Variants in CFAP61 observed in about 807,000 individuals in gnomAD.
The protein encoded by CFAP61 is cilia and flagella associated protein 61.
In CFAP61, 107 loss-of-function variants were observed where a neutral mutation model predicts 135.6. That is an observed-to-expected ratio of 0.79 (90% confidence interval 0.67 to 0.93). CFAP61 has a LOEUF of 0.93. Ranked by LOEUF, CFAP61 falls within the 40% of genes least tolerant of loss-of-function variation. CFAP61 has a pLI of 0.00. For synonymous variants in CFAP61, 575 were observed against 578.5 expected, an observed-to-expected ratio of 0.99 and a Z score of 0.09; for missense variants, 1,507 against 1,556.2, an observed-to-expected ratio of 0.97 and a Z score of 0.53.
chr20:20,199,672 G>C, intron 16 of CFAP61, 96 bp from the exon 17 acceptor site: 3 of 1,371,378 alleles, frequency 2.2e-6, no homozygotes, highest in Non-Finnish European at 3.0e-6. Context: ...TGACTTGGCC[G>C]AGTTAAGAGT....
chr20:20,289,849 A>G (rs1161350196), intron 23 of CFAP61, among the ~76,000 whole-genome samples: 2 of 152,252 alleles, frequency 1.3e-5, no homozygotes, highest in East Asian at 1.9e-4. Flanking sequence ...GAATTCGATA[A>G]TGACAGTTTC....
intron 17 of CFAP61, among the ~76,000 whole-genome samples, chr20:20,220,483 A>G (rs1177537275): frequency 6.6e-6 from 1 of 152,176 alleles, no homozygotes; most frequent in Non-Finnish European, 1.5e-5. Flanking sequence ...GCCGGTCAGA[A>G]GTACAGGTGG....
intron 13 of CFAP61, among the ~76,000 whole-genome samples, chr20:20,181,774 C>T (rs898644469): frequency 6.6e-6 from 1 of 152,238 alleles, no homozygotes; most frequent in East Asian, 1.9e-4. Context: ...ATGCTTGCAC[C>T]CTTGGGAAAA....
chr20:20,325,385 C>G (rs531529700), intron 25 of CFAP61, among the ~76,000 whole-genome samples: 1 of 152,178 alleles, frequency 6.6e-6, no homozygotes. Flanking sequence ...TGTGCCTACT[C>G]GTGCCTTCCT....
chr20:20,075,591 C>G lies in CFAP61; in HGVS notation c.542C>G (p.Pro181Arg), dbSNP rs781715170. The G allele has an allele frequency of 1.2e-6, 2 of 1,614,162 alleles. No homozygotes were observed. Among genetic ancestry groups the G allele is most frequent in the Non-Finnish European group, 8.5e-7 (1 of 1,179,994 alleles). Residue 181 changes from proline (P) to arginine (R), a missense_variant, in exon 6 of 27, where the codon CCT (proline) becomes CGT (arginine). Physicochemically the swap from Pro to Arg is moderately radical, Grantham distance 103. Coordinates refer to ENST00000245957, the MANE Select transcript of CFAP61 (RefSeq NM_015585.4). Reference protein sequence around the residue: ...VHICHRHSHYPQLHVRKARVE... With the variant: ...VHICHRHSHYRQLHVRKARVE... ...ATATGTCACAGGCACAGCCACTATC[C>G]TCAGCTGCACGTTCGCAAAGCCAGG... is the stretch of plus-strand genomic sequence containing the variant.
At chr20:20,117,462 C>T (rs1171626145) in intron 8 of CFAP61, among the ~76,000 whole-genome samples, 1 of 152,164 alleles carries the variant, frequency 6.6e-6, no homozygotes, top group African/African-American at 2.4e-5. Flanking sequence ...GCTTTTTACA[C>T]CAGTACCATG....
chr20:20,252,581 A>G (rs916233553), intron 20 of CFAP61, among the ~76,000 whole-genome samples: 3 of 151,762 alleles, frequency 2.0e-5, no homozygotes, highest in East Asian at 1.9e-4. Flanking sequence ...CTTATCAGCT[A>G]TCTTTAGTGT....
intron 19 of CFAP61, among the ~76,000 whole-genome samples, chr20:20,249,243 T>C (rs1296724476): frequency 6.6e-6 from 1 of 152,154 alleles, no homozygotes; most frequent in Non-Finnish European, 1.5e-5. Context: ...TAGCAATCAC[T>C]TATACAATGA....
rs115715891 is a variant in CFAP61 at position 20,204,384 on chromosome 20, G to C, written c.1932+4482G>C. On this transcript the variant is annotated intron_variant, in intron 17 of 26. Transcript: ENST00000245957. ...CGGCTTATGGAGCCCCTCCCCCTCAGAGCTAAGTGATGGCCCTGCTTTTTC... is the reference window on the plus strand; with the variant it reads ...CGGCTTATGGAGCCCCTCCCCCTCACAGCTAAGTGATGGCCCTGCTTTTTC... Among the ~76,000 whole-genome samples the C allele has an allele frequency of 5.4e-3, 827 of 152,190 alleles. 10 individuals are homozygous for C. Among genetic ancestry groups the C allele is most frequent in the African/African-American group, 0.018 (739 of 41,510 alleles).
chr20:20,094,562 T>G (rs2047431092), intron 7 of CFAP61: 1 of 152,320 alleles, frequency 6.6e-6, no homozygotes, highest in African/African-American at 2.4e-5. Flanking sequence ...TCTTTCTCTC[T>G]CTTGCCGTAT....
At chr20:20,075,458 A>G (rs2045984255) in intron 5 of CFAP61, 31 bp from the exon 6 acceptor site, 1 of 1,609,862 alleles carries the variant, frequency 6.2e-7, no homozygotes, top group Admixed American at 1.7e-5. Flanking sequence ...CTTGATAAAT[A>G]AGGACATGTT....
chr20:20,273,041 A>ATTTTTTTT (rs998055743), intron 21 of CFAP61, among the ~76,000 whole-genome samples: 1 of 127,356 alleles, frequency 7.9e-6, no homozygotes, highest in Non-Finnish European at 1.6e-5. Context: ...GCCATGCTTA[A>ATTTTTTTT]TTTTTTTTTT....
At chr20:20,178,938 A>AT (rs1379219009) in intron 13 of CFAP61, among the ~76,000 whole-genome samples, 1 of 152,146 alleles carries the variant, frequency 6.6e-6, no homozygotes. Flanking sequence ...TCATGATTCT[A>AT]TTACAAAGAT....
rs532145394 is a variant in CFAP61, at chr20:20,158,692, CA to C, written c.952-675del. On this transcript the variant is annotated intron_variant, in intron 9 of 26. Transcript: ENST00000245957. ...CAGTAATATAAAATTACAGAAAGTA[CA>C]AACTATAATGACAAAAATCATATCA... is the stretch of plus-strand genomic sequence containing the variant. Among the ~76,000 whole-genome samples, 53 of 152,236 alleles carry C rather than the reference CA, an allele frequency of 3.5e-4. No homozygotes were observed. In the South Asian group the frequency reaches 0.011, roughly 32 times the overall value.
At chr20:20,132,131 T>G (rs2050581494) in intron 8 of CFAP61, among the ~76,000 whole-genome samples, 1 of 152,130 alleles carries the variant, frequency 6.6e-6, no homozygotes, top group Non-Finnish European at 1.5e-5. Flanking sequence ...CTGCTTCTAT[T>G]AATTTCACTA....
chr20:20,302,391 G>T (rs1379403116), intron 25 of CFAP61, among the ~76,000 whole-genome samples: 1 of 152,176 alleles, frequency 6.6e-6, no homozygotes, highest in Non-Finnish European at 1.5e-5. Context: ...GCTGGGTGAG[G>T]TGGCTCACCC....
chr20:20,269,150 C>CAT (rs1173108394), intron 21 of CFAP61, among the ~76,000 whole-genome samples: 3 of 85,798 alleles, frequency 3.5e-5, no homozygotes, highest in Non-Finnish European at 5.3e-5. Context: ...TATATATACA[C>CAT]ACACACACAC....
At chr20:20,085,126 T>C in intron 6 of CFAP61, 6 of 985,474 alleles carry the variant, frequency 6.1e-6, no homozygotes, top group Non-Finnish European at 7.2e-6. Flanking sequence ...CTCCGCATCT[T>C]CATCGCCACT....
intron 20 of CFAP61, among the ~76,000 whole-genome samples, chr20:20,257,265 T>C (rs1344089193): frequency 6.6e-6 from 1 of 152,112 alleles, no homozygotes; most frequent in Non-Finnish European, 1.5e-5. Context: ...CAGAAAAAAT[T>C]ATCTTCCGTG....
Sources: gnomAD v4.1 joint callset for allele counts (sites outside exome capture counted in the v4.1 genomes callset) on GRCh38, gnomAD v4.1.1 for gene constraint, MANE v1.5 for transcripts, NCBI Gene and HGNC (gene_info 2026-07-23, HGNC 2026-07-21) for gene names.